PTCH1: variants seen among roughly 807,000 people sequenced by gnomAD.
The protein encoded by PTCH1 is protein patched homolog 1.
A neutral mutation model predicts 144.6 loss-of-function variants in PTCH1; 14 were observed. The ratio of observed to expected loss-of-function variants is 0.10; its 90% CI spans 0.06 to 0.15. PTCH1 has a LOEUF of 0.15. Ranked by LOEUF, PTCH1 falls within the 10% of genes least tolerant of loss-of-function variation. PTCH1 has a pLI of 1.00. For missense variants in PTCH1, 1,623 were observed against 1,948.3 expected (o/e 0.83, Z 3.14); for synonymous variants, 833 against 793.6 (o/e 1.05, Z -0.83).
intron 1 of PTCH1, chr9:95,507,161 C>T: frequency 2.0e-6 from 2 of 985,534 alleles, no homozygotes; most frequent in Non-Finnish European, 2.4e-6. Context: ...ACTCCCGACG[C>T]ATTTCCATAG....
At chr9:95,497,833 T>C (rs149503995) in intron 2 of PTCH1, among the ~76,000 whole-genome samples, 2 of 152,348 alleles carry the variant, frequency 1.3e-5, no homozygotes, top group Non-Finnish European at 2.9e-5. Flanking sequence ...AAATCTTGAC[T>C]GTGCAGCCAA....
At chr9:95,465,209 C>T in intron 15 of PTCH1, among the ~76,000 whole-genome samples, 1 of 152,222 alleles carries the variant, frequency 6.6e-6, no homozygotes, top group East Asian at 1.9e-4. Flanking sequence ...CCTTTACCCC[C>T]TTCCCAATCC....
intron 2 of PTCH1, among the ~76,000 whole-genome samples, chr9:95,497,561 G>C (rs1192938425): frequency 6.6e-6 from 1 of 152,100 alleles, no homozygotes; most frequent in East Asian, 1.9e-4. Context: ...TGGAGGCTCG[G>C]GCTCTCTCCG....
rs144323077 is a variant in PTCH1, at chr9:95,479,095, C to T, written c.1120G>A (p.Glu374Lys). 15 of 1,613,968 alleles carry T rather than the reference C, an allele frequency of 9.3e-6. No individual in the cohort carries two copies. Among genetic ancestry groups the T allele is most frequent in the African/African-American group, 5.3e-5 (4 of 74,878 alleles). ...FQLMTPKQMY[E>K]HFKGYEYVSH... Reference sequence around the variant, plus strand: ...ACATACTCGTACCCCTTGAAGTGCTCGTACATTTGCTTGGGAGTCATTAAC... The same window carrying T: ...ACATACTCGTACCCCTTGAAGTGCTTGTACATTTGCTTGGGAGTCATTAAC... The change falls in exon 8 of 24, where the codon GAG becomes AAG. Residue 374 changes from glutamate (E) to lysine (K), a missense_variant. Physicochemically the swap from Glu to Lys is moderately conservative, Grantham distance 56. Transcript: ENST00000331920.
intron 2 of PTCH1, among the ~76,000 whole-genome samples, chr9:95,497,549 C>G (rs1042001581): frequency 2.6e-5 from 4 of 152,234 alleles, no homozygotes; most frequent in African/African-American, 9.6e-5. Flanking sequence ...AGGAGGTCAT[C>G]TTGGAGGCTC....
chr9:95,469,665 G>A, intron 13 of PTCH1, 148 bp downstream of exon 13: 1 of 846,000 alleles, frequency 1.2e-6, no homozygotes, highest in South Asian at 1.3e-5. Flanking sequence ...CCCTAGGGAA[G>A]CAGCCTCTGT....
intron 16 of PTCH1, chr9:95,460,088 G>A (rs1839333556): frequency 2.3e-6 from 1 of 430,324 alleles, no homozygotes; most frequent in South Asian, 2.1e-5. Flanking sequence ...TGAACAATCT[G>A]GAGAAACATA....
rs774819810 is a variant in PTCH1 at position 95,447,221 on chromosome 9, ACGGGCCCCGCGAGGGCCCCAG to A, written c.4014_4034del (p.Trp1339_Arg1345del). The A allele has an allele frequency of 4.2e-4, 684 of 1,612,766 alleles. 2 individuals are homozygous for A. The highest frequency in any genetic ancestry group is 5.6e-4 in the Non-Finnish European group (655 of 1,179,882). On this transcript the variant is annotated inframe_deletion, in exon 23 of 24. Transcript: ENST00000331920. ...ACGCTGGGTTCCGAGGGTTGTGAGA[ACGGGCCCCGCGAGGGCCCCAG>A]CGGGCCCTATTGCTAGGGCCAGAAT... is the stretch of plus-strand genomic sequence containing the variant.
rs1841050283 is a variant in PTCH1, at chr9:95,476,532, C to T, written c.1602+227G>A. ...ATAAAGTGTCACATTAAAACAAACACCCGTATTCCTAAAGGCACCCGAGAT... is the reference window on the plus strand; with the variant it reads ...ATAAAGTGTCACATTAAAACAAACATCCGTATTCCTAAAGGCACCCGAGAT... On this transcript the variant is annotated intron_variant, in intron 11 of 23. Transcript: ENST00000331920. This position sits in a 1 kb window ranked among gnomAD's most constrained non-coding sequence, Gnocchi z 4.6. Among the ~76,000 whole-genome samples, 1 of 152,102 alleles carries T rather than the reference C, an allele frequency of 6.6e-6. No individual in the cohort carries two copies. Among genetic ancestry groups the T allele is most frequent in the Non-Finnish European group, 1.5e-5 (1 of 68,028 alleles).
intron 20 of PTCH1, chr9:95,452,933 G>A (rs1258195938): frequency 5.7e-6 from 1 of 175,572 alleles, no homozygotes; most frequent in African/African-American, 2.4e-5. Flanking sequence ...AAGCTGCAGA[G>A]TTGTCTTTGC....
intron 2 of PTCH1, among the ~76,000 whole-genome samples, chr9:95,497,560 G>A (rs1274702278): frequency 1.3e-5 from 2 of 152,118 alleles, no homozygotes; most frequent in South Asian, 2.1e-4. Flanking sequence ...TTGGAGGCTC[G>A]GGCTCTCTCC....
chr9:95,459,669 T>C lies in PTCH1; in HGVS notation c.2818A>G (p.Asn940Asp), dbSNP rs1564021422. The change falls in exon 17 of 24, where the codon AAC (asparagine) becomes GAC (aspartate). Residue 940 changes from asparagine (N) to aspartate (D), a missense_variant. By Grantham distance (23) the Asn-to-Asp change is conservative. Transcript: ENST00000331920. ...DPVAYAASQA[N>D]IRPHRPEWVH... ...CATTCTGGTCGGTGTGGCCGGATGT[T>C]GGCCTGGGAGGCAGCATACGCGACG... 1 of 1,614,216 alleles carries C rather than the reference T, an allele frequency of 6.2e-7. No individual in the cohort carries two copies.
chr9:95,461,394 C>T (rs566548996), intron 16 of PTCH1, among the ~76,000 whole-genome samples: 93 of 152,302 alleles, frequency 6.1e-4, no homozygotes, highest in African/African-American at 2.2e-3. Context: ...TCTTCCCATC[C>T]TTCTGTCACC....
Position 95,485,688 on chromosome 9 carries a change from T to C in PTCH1, c.581A>G (p.Asn194Ser). 1 of 1,614,072 alleles carries C rather than the reference T, an allele frequency of 6.2e-7. No individual in the cohort carries two copies. ...QASRVHVYMY[N>S]RQWKLEHLCY... ...AGGTGGACGCGGCGGGCCTTACCTG[T>C]TGTACATGTATACATGGACACGGCT... The change falls in exon 3 of 24, where the codon AAC (asparagine) becomes AGC (serine). Residue 194 changes from asparagine (N) to serine (S), a missense_variant. Asn to Ser is a conservative substitution (Grantham distance 46). Coordinates refer to ENST00000331920, the MANE Select transcript of PTCH1 (RefSeq NM_000264.5).
At chr9:95,485,303 G>A (rs1841878747) in intron 3 of PTCH1, among the ~76,000 whole-genome samples, 1 of 152,188 alleles carries the variant, frequency 6.6e-6, no homozygotes, top group South Asian at 2.1e-4. Context: ...AAAGTCACAA[G>A]AAGCAGCTCT....
chr9:95,460,053 G>A lies in PTCH1; in HGVS notation c.2704-270C>T. 3 of 490,014 alleles carry A rather than the reference G, an allele frequency of 6.1e-6. No individual in the cohort carries two copies. In the South Asian group the frequency reaches 6.2e-5, roughly 10 times the overall value. The allele number at this position is 490,014 out of a possible 1,614,324, so 30.4% of individuals were successfully genotyped here. ...AACCAATTAAATCTGAATGCTAAAA[G>A]ACCGTCTGCAGCCAAGGCAGAGAAT... On this transcript the variant is annotated intron_variant, in intron 16 of 23. Transcript: ENST00000331920.
At chr9:95,454,079 C>T (rs914289255) in intron 19 of PTCH1, among the ~76,000 whole-genome samples, 2 of 152,214 alleles carry the variant, frequency 1.3e-5, no homozygotes, top group African/African-American at 4.8e-5. Context: ...GACCTTCTGT[C>T]ACTGTTTCAG....
intron 2 of PTCH1, among the ~76,000 whole-genome samples, chr9:95,490,558 A>ACAC (rs1564069064): frequency 2.3e-5 from 3 of 129,624 alleles, no homozygotes; most frequent in African/African-American, 9.8e-5. Flanking sequence ...CACACACACA[A>ACAC]AAGAAAGATA....
chr9:95,516,650 C>T (rs779095887), exon 1 of PTCH1: 2 of 1,612,110 alleles, frequency 1.2e-6, no homozygotes, highest in Non-Finnish European at 1.7e-6. Flanking sequence ...CTTTGTCTCC[C>T]CTGTCGTCTT....
Sources: allele counts gnomAD v4.1 joint callset (sites outside exome capture counted in the v4.1 genomes callset), GRCh38; gene constraint gnomAD v4.1.1; non-coding constraint Gnocchi (gnomAD v3.1); transcripts MANE v1.5; gene names NCBI Gene and HGNC (gene_info 2026-07-23, HGNC 2026-07-21).